The following EML6 variants were observed in gnomAD, a reference collection of about 807,000 sequenced individuals.
EML6 encodes the protein echinoderm microtubule-associated protein-like 6.
EML6 carries 154 observed loss-of-function variants against 240.1 expected under a neutral mutation model. That is an observed-to-expected ratio of 0.64 (90% CI 0.56 to 0.73). EML6 has a LOEUF of 0.73. Among genes scored for constraint, EML6 ranks in the 30% least tolerant of loss-of-function variants. The pLI is 0.00. For synonymous variants in EML6, 1,148 were observed against 899.0 expected (o/e 1.28, Z -4.95); for missense variants, 2,964 against 2,474.6 (o/e 1.20, Z -4.20).
Position 54,950,742 on chromosome 2 carries a change from C to CA in EML6, c.4177dup (p.Thr1393AsnfsTer24). 2 of 1,551,710 alleles carry CA rather than the reference C, an allele frequency of 1.3e-6. No homozygotes were observed. The highest frequency in any genetic ancestry group is 1.7e-6 in the Non-Finnish European group (2 of 1,146,998). ...ATGATGGCGCTGACATCATCTTCCA[C>CA]ACAGCAGCGGCTGGCATCGTTCAGA... is the stretch of plus-strand genomic sequence containing the variant. On this transcript the variant is annotated frameshift_variant, in exon 30 of 42. Coordinates refer to ENST00000356458, the MANE Select transcript of EML6 (RefSeq NM_001039753.4). LOFTEE classifies it high-confidence loss of function.
chr2:54,814,160 A>G (rs1385558399), intron 3 of EML6, among the ~76,000 whole-genome samples: 2 of 152,164 alleles, frequency 1.3e-5, no homozygotes, highest in Non-Finnish European at 2.9e-5. Context: ...ACTTTTCTAG[A>G]CTTTTATCCG....
At chr2:54,915,891 G>A (rs1673884571) in intron 25 of EML6, among the ~76,000 whole-genome samples, 1 of 152,132 alleles carries the variant, frequency 6.6e-6, no homozygotes, top group Admixed American at 6.5e-5. Context: ...AGCAGATGTT[G>A]AATGAAAGTA....
intron 2 of EML6, among the ~76,000 whole-genome samples, chr2:54,796,563 A>C (rs1249198868): frequency 1.3e-5 from 2 of 151,896 alleles, no homozygotes; most frequent in Non-Finnish European, 2.9e-5. Flanking sequence ...TTAAAGGAAC[A>C]CTTAAATCCT....
Position 54,903,580 on chromosome 2 carries a change from T to C in EML6, c.3409+78T>C, listed in dbSNP as rs1044855121. 24 of 1,279,972 alleles carry C rather than the reference T, an allele frequency of 1.9e-5. No homozygotes were observed. In the Admixed American group the frequency reaches 2.1e-4, roughly 11 times the overall value. 79.3% of individuals were successfully genotyped at this position (1,279,972 alleles called of 1,614,324 possible). On this transcript the variant is annotated intron_variant, in intron 24 of 41. Transcript: ENST00000356458. The stretch of plus-strand genomic sequence containing the variant: ...ATTTATGCATTGTTTCTAGAGAGAA[T>C]GGCAGTTGAGTGTTAGAAATGGGAA...
At chr2:54,743,848 A>C (rs899723594) in intron 2 of EML6, among the ~76,000 whole-genome samples, 10 of 152,194 alleles carry the variant, frequency 6.6e-5, no homozygotes, top group Admixed American at 3.3e-4. Context: ...TTTACATATA[A>C]ATTTCTTACT....
chr2:54,867,114 C>T (rs1671013892), intron 14 of EML6: 3 of 354,250 alleles, frequency 8.5e-6, no homozygotes. Flanking sequence ...CTCTAGATTT[C>T]TCAGACTTCA....
chr2:54,918,277 T>G (rs1674036721), intron 26 of EML6, among the ~76,000 whole-genome samples: 1 of 152,174 alleles, frequency 6.6e-6, no homozygotes, highest in Non-Finnish European at 1.5e-5. Flanking sequence ...AAAGACAGAC[T>G]GGAACAATCA....
Position 54,843,957 on chromosome 2 carries a change from T to G in EML6, c.848-90T>G, listed in dbSNP as rs78418081. 2,496 of 1,025,724 alleles carry G rather than the reference T, an allele frequency of 2.4e-3. 53 individuals carry two copies. In the African/African-American group the frequency reaches 0.038, roughly 16 times the overall value. 63.5% of individuals were successfully genotyped at this position (1,025,724 alleles called of 1,614,324 possible). On this transcript the variant is annotated intron_variant, in intron 7 of 41. Transcript: ENST00000356458. ...TATCCTGGTTAAAGGGCATTTACTT[T>G]AGGGTTTTGTGTGTGTGTGTGTGTG...
chr2:54,800,213 C>G (rs546738442), intron 2 of EML6, among the ~76,000 whole-genome samples: 2 of 152,306 alleles, frequency 1.3e-5, no homozygotes, highest in African/African-American at 2.4e-5. Flanking sequence ...CTACTGCACT[C>G]CAGCCTGACA....
At chr2:54,960,444 C>A (rs747206386) in intron 35 of EML6, 110 bp downstream of exon 35, 3 of 753,432 alleles carry the variant, frequency 4.0e-6, no homozygotes, top group Non-Finnish European at 6.7e-6. Flanking sequence ...GAAACAAGGC[C>A]TCAATACATG....
chr2:54,893,008 G>A lies in EML6; in HGVS notation c.2742+352G>A, dbSNP rs190101569. On this transcript the variant is annotated intron_variant, in intron 19 of 41. Coordinates refer to ENST00000356458, the MANE Select transcript of EML6 (RefSeq NM_001039753.4). ...GTCTTCCTCCTTGGTGACACAATGGGCAGAGACCTGAAAGTACCAAATGGT... is the reference window on the plus strand; with the variant it reads ...GTCTTCCTCCTTGGTGACACAATGGACAGAGACCTGAAAGTACCAAATGGT... Among the ~76,000 whole-genome samples, 29 of 152,190 alleles carry A rather than the reference G, an allele frequency of 1.9e-4. No homozygotes were observed. The East Asian group carries it at 5.0e-3, about 26-fold the overall frequency.
chr2:54,803,572 A>G lies in EML6; in HGVS notation c.198-9660A>G, dbSNP rs888212908. On this transcript the variant is annotated intron_variant, in intron 2 of 41. Transcript: ENST00000356458. ...GATTATCTTAAAGTTGCCATTGTCA[A>G]TGCTTTGGAGAACGCCTTGCATTTT... Among the ~76,000 whole-genome samples the G allele has an allele frequency of 2.6e-5, 4 of 152,174 alleles. No homozygotes were observed. In the South Asian group the frequency reaches 6.2e-4, roughly 24 times the overall value.
In EML6 at chr2:54,957,791, T is replaced by A; in HGVS notation, c.4488T>A (p.Gly1496=). ...HTITVWRWQE[G]AKVASRGGHL... is the part of the protein sequence containing the mutation. ...CACTGGACTCTGTCACCCACACAGG[T>A]GCCAAGGTTGCCAGCCGAGGGGGTC... Residue 1496 remains glycine (G), a splice_region_variant and synonymous_variant, in exon 33 of 42, where the codon GGT becomes GGA. Transcript: ENST00000356458. The A allele has an allele frequency of 6.5e-7, 1 of 1,549,650 alleles. No homozygotes were observed.
At chr2:54,960,686 C>T (rs1208649936) in intron 35 of EML6, among the ~76,000 whole-genome samples, 1 of 152,164 alleles carries the variant, frequency 6.6e-6, no homozygotes, top group African/African-American at 2.4e-5. Flanking sequence ...CTCATAAGCT[C>T]AGAGATACTA....
intron 2 of EML6, among the ~76,000 whole-genome samples, chr2:54,791,061 C>G (rs1463000027): frequency 6.6e-6 from 1 of 152,184 alleles, no homozygotes; most frequent in Non-Finnish European, 1.5e-5. Flanking sequence ...CAAACAGTCA[C>G]AGGCCTAAGT....
At chr2:54,779,582 C>A (rs1046178415) in intron 2 of EML6, among the ~76,000 whole-genome samples, 5 of 148,776 alleles carry the variant, frequency 3.4e-5, no homozygotes, top group African/African-American at 7.5e-5. Context: ...GGAAGGAGGG[C>A]CTGGTGTGGT....
In EML6 at chr2:54,724,801, C is replaced by G. The variant is rs1682827562; in HGVS notation, c.-261C>G. 6.3e-6 allele frequency: 1 copy of G among 157,516 alleles called. No individual in the cohort carries two copies. The highest frequency in any genetic ancestry group is 1.4e-5 in the Non-Finnish European group (1 of 72,180). 9.8% of individuals were successfully genotyped at this position (157,516 alleles called of 1,614,324 possible). A position where few individuals can be genotyped will look rare whatever the true frequency, so the allele number is the denominator to read the frequency against. On this transcript the variant is annotated 5_prime_UTR_variant, in exon 2 of 42. Coordinates refer to ENST00000356458, the MANE Select transcript of EML6 (RefSeq NM_001039753.4). The surrounding 1 kb of genome is among the most constrained non-coding windows in gnomAD (Gnocchi z 5.2). The stretch of plus-strand genomic sequence containing the variant: ...TGAGGCGCGCGCGCCGGTGCCGGCG[C>G]CCCCAGAGCCGCCTTGCCCGGGTAG...
At chr2:54,853,931 C>A in intron 11 of EML6, 76 bp downstream of exon 11, 1 of 870,218 alleles carries the variant, frequency 1.1e-6, no homozygotes, top group Non-Finnish European at 1.7e-6. Context: ...GCTGATCTTC[C>A]TGCTGTCTAT....
intron 5 of EML6, among the ~76,000 whole-genome samples, chr2:54,822,466 A>G (rs1668377804): frequency 6.6e-6 from 1 of 152,196 alleles, no homozygotes; most frequent in Admixed American, 6.5e-5. Context: ...AAATAACCAA[A>G]TAGAAGATCT....
Sources: gnomAD v4.1 joint callset for allele counts (sites outside exome capture counted in the v4.1 genomes callset) on GRCh38, gnomAD v4.1.1 for gene constraint, Gnocchi (gnomAD v3.1) non-coding constraint, MANE v1.5 for transcripts, NCBI Gene and HGNC (gene_info 2026-07-23, HGNC 2026-07-21) for gene names.